VPS16: variants seen among roughly 807,000 people sequenced by gnomAD.
VPS16 encodes vacuolar protein sorting-associated protein 16 homolog.
VPS16 carries 82 observed loss-of-function variants against 116.0 expected under a neutral mutation model. The observed-to-expected ratio is 0.71, with a 90% confidence interval of 0.59 to 0.85. The LOEUF (loss-of-function observed/expected upper bound fraction) is 0.85. VPS16 is among the 40% of genes least tolerant of loss of function. The pLI, the probability that VPS16 is intolerant of heterozygous loss-of-function variation, is 0.00. For synonymous variants in VPS16, 406 were observed against 420.7 expected (o/e 0.96, Z 0.43); for missense variants, 928 against 1,090.6 (o/e 0.85, Z 2.10).
At chr20:2,847,769 A>C (rs1292840547) in intron 1 of VPS16, among the ~76,000 whole-genome samples, 11 of 151,624 alleles carry the variant, frequency 7.3e-5, no homozygotes, top group African/African-American at 2.2e-4. Flanking sequence ...GAGCCACCGC[A>C]CCCAGCCCCG....
intron 1 of VPS16, among the ~76,000 whole-genome samples, chr20:2,844,053 C>G (rs1471120546): frequency 6.6e-6 from 1 of 152,200 alleles, no homozygotes; most frequent in African/African-American, 2.4e-5. Flanking sequence ...CAACTAGTGA[C>G]CAGGTTACAC....
intron 10 of VPS16, 21 bp downstream of exon 10, chr20:2,861,920 C>T: frequency 6.2e-7 from 1 of 1,611,626 alleles, no homozygotes; most frequent in Non-Finnish European, 8.5e-7. Flanking sequence ...CACAAGGGCA[C>T]CACATAACCC....
rs751541480 is a variant in VPS16 at position 2,865,268 on chromosome 20, A to C, written c.2125A>C (p.Asn709His). 1.2e-6 allele frequency: 2 copies of C among 1,614,172 alleles called. No individual in the cohort carries two copies. Among genetic ancestry groups the C allele is most frequent in the Non-Finnish European group, 1.7e-6 (2 of 1,180,000 alleles). ...TVTTLILGGH[N>H]KRAEQLARDF... The stretch of plus-strand genomic sequence containing the variant: ...TACCACCCTCATTCTTGGCGGTCAC[A>C]ACAAGCGTGCAGAGCAGCTGGCACG... The change falls in exon 21 of 24, where the codon AAC (asparagine) becomes CAC (histidine). Residue 709 changes from asparagine (N) to histidine (H), a missense_variant. By Grantham distance (68) the Asn-to-His change is moderately conservative. Transcript: ENST00000380445. This position sits in a 1 kb window ranked among gnomAD's most constrained non-coding sequence, Gnocchi z 5.2.
chr20:2,865,443 G>C lies in VPS16; in HGVS notation c.2219G>C (p.Trp740Ser). Residue 740 changes from tryptophan (W) to serine (S), a missense_variant, in exon 22 of 24, where the codon TGG becomes TCG. Transcript: ENST00000380445. This position sits in a 1 kb window ranked among gnomAD's most constrained non-coding sequence, Gnocchi z 5.2. ...KLTALADLED[W>S]EELEKFSKSK... is the part of the protein sequence containing the mutation. The stretch of plus-strand genomic sequence containing the variant: ...ACTGCCCTGGCAGATTTGGAAGATT[G>C]GGAAGAGCTAGAGAAGTTTTCCAAG... 6.2e-7 allele frequency: 1 copy of C among 1,614,176 alleles called. No individual in the cohort carries two copies. The highest frequency in any genetic ancestry group is 8.5e-7 in the Non-Finnish European group (1 of 1,180,032).
intron 1 of VPS16, among the ~76,000 whole-genome samples, chr20:2,844,335 C>T (rs2089038100): frequency 6.6e-6 from 1 of 152,194 alleles, no homozygotes; most frequent in Admixed American, 6.5e-5. Context: ...ATCTGCCTGA[C>T]AGGATTCTTT....
At chr20:2,847,033 T>C (rs999944027) in intron 1 of VPS16, among the ~76,000 whole-genome samples, 3 of 152,200 alleles carry the variant, frequency 2.0e-5, no homozygotes, top group Non-Finnish European at 2.9e-5. Context: ...TAGGCTTTTC[T>C]GAGAAGCTGC....
chr20:2,864,788 G>C lies in VPS16; in HGVS notation c.1926+134G>C. ...TCCTCACTGTGAGGGAGACTCTGACGTGAGGCCAGGATGGGGGTTAGTGTC... is the reference window on the plus strand; with the variant it reads ...TCCTCACTGTGAGGGAGACTCTGACCTGAGGCCAGGATGGGGGTTAGTGTC... On this transcript the variant is annotated intron_variant, in intron 19 of 23. Transcript: ENST00000380445. The surrounding 1 kb of genome is among the most constrained non-coding windows in gnomAD (Gnocchi z 5.2). 8.6e-7 allele frequency: 1 copy of C among 1,166,546 alleles called. No individual in the cohort carries two copies. The highest frequency in any genetic ancestry group is 1.2e-6 in the Non-Finnish European group (1 of 807,630). The allele number at this position is 1,166,546 out of a possible 1,614,324, so 72.3% of individuals were successfully genotyped here. A position where few individuals can be genotyped will look rare whatever the true frequency, so the allele number is the denominator to read the frequency against.
Position 2,865,267 on chromosome 20 carries a change from C to T in VPS16, c.2124C>T (p.His708=), listed in dbSNP as rs763882765. 1.2e-6 allele frequency: 2 copies of T among 1,614,054 alleles called. No homozygotes were observed. The highest frequency in any genetic ancestry group is 4.5e-5 in the East Asian group (2 of 44,890). The change falls in exon 21 of 24, where the codon CAC becomes CAT. Residue 708 remains histidine, a synonymous_variant. Transcript: ENST00000380445. The surrounding 1 kb of genome is among the most constrained non-coding windows in gnomAD (Gnocchi z 5.2). ...DTVTTLILGG[H]NKRAEQLARD... is the part of the protein sequence containing the mutation. ...TTACCACCCTCATTCTTGGCGGTCACAACAAGCGTGCAGAGCAGCTGGCAC... is the reference window on the plus strand; with the variant it reads ...TTACCACCCTCATTCTTGGCGGTCATAACAAGCGTGCAGAGCAGCTGGCAC...
chr20:2,862,760 A>G (rs879119402), intron 12 of VPS16, 47 bp from the exon 13 acceptor site: 2 of 1,608,016 alleles, frequency 1.2e-6, no homozygotes, highest in African/African-American at 1.3e-5. Flanking sequence ...AGGGGGTGGG[A>G]TGGGCAGCAG....
intron 1 of VPS16, among the ~76,000 whole-genome samples, chr20:2,843,239 C>T (rs991508001): frequency 3.9e-5 from 6 of 152,008 alleles, no homozygotes; most frequent in African/African-American, 1.5e-4. Context: ...CGAGATCAGC[C>T]TGGCCAACAT....
intron 11 of VPS16, 78 bp downstream of exon 11, chr20:2,862,208 T>G: frequency 6.6e-7 from 1 of 1,511,512 alleles, no homozygotes; most frequent in Non-Finnish European, 9.0e-7. Flanking sequence ...CATAGCCAGG[T>G]GCCACCTGTC....
chr20:2,863,062 C>T lies in VPS16; in HGVS notation c.1332-3C>T, dbSNP rs369211416. 2 of 1,613,942 alleles carry T rather than the reference C, an allele frequency of 1.2e-6. No individual in the cohort carries two copies. The highest frequency in any genetic ancestry group is 2.7e-5 in the African/African-American group (2 of 74,874). ...ACTGGATCCTTAACCGAGGAAAATACAGATATAAGCAGCTCACCATCCAGG... is the reference window on the plus strand; with the variant it reads ...ACTGGATCCTTAACCGAGGAAAATATAGATATAAGCAGCTCACCATCCAGG... On this transcript the variant is annotated splice_region_variant and splice_polypyrimidine_tract_variant and intron_variant, in intron 13 of 23. Coordinates refer to ENST00000380445, the MANE Select transcript of VPS16 (RefSeq NM_022575.4). The surrounding 1 kb of genome is among the most constrained non-coding windows in gnomAD (Gnocchi z 4.4).
chr20:2,860,845 T>C lies in VPS16; in HGVS notation c.612T>C (p.His204=), dbSNP rs1330041551. The C allele has an allele frequency of 8.1e-6, 13 of 1,614,002 alleles. No homozygotes were observed. The highest frequency in any genetic ancestry group is 3.3e-5 in the Admixed American group (2 of 60,006). The stretch of plus-strand genomic sequence containing the variant: ...GGCCTGACCTTTACCTCTTGGACCA[T>C]GCAGCCTGCTCCGCAGTGGTAAGGG... ...AVGPDLYLLD[H]AACSAVTPPG... is the part of the protein sequence containing the mutation. Residue 204 remains histidine (H), a synonymous_variant, in exon 6 of 24, where the codon CAT becomes CAC. Coordinates refer to ENST00000380445, the MANE Select transcript of VPS16 (RefSeq NM_022575.4). The surrounding 1 kb of genome is among the most constrained non-coding windows in gnomAD (Gnocchi z 6.1).
chr20:2,864,109 C>T lies in VPS16; in HGVS notation c.1611+26C>T. 1.2e-6 allele frequency: 2 copies of T among 1,613,564 alleles called. No individual in the cohort carries two copies. Among genetic ancestry groups the T allele is most frequent in the Non-Finnish European group, 8.5e-7 (1 of 1,179,504 alleles). Reference sequence around the variant, plus strand: ...GTGTGGGTGCCCAGCCCTCCACAGACACTCTGATGTGGTTGTTCAGGGCCC... The same window carrying T: ...GTGTGGGTGCCCAGCCCTCCACAGATACTCTGATGTGGTTGTTCAGGGCCC... On this transcript the variant is annotated intron_variant, in intron 16 of 23. Transcript: ENST00000380445. The surrounding 1 kb of genome is among the most constrained non-coding windows in gnomAD (Gnocchi z 5.2).
chr20:2,846,112 CTTTTTTTTTTT>C (rs34440512), intron 1 of VPS16, among the ~76,000 whole-genome samples: 1 of 89,688 alleles, frequency 1.1e-5, no homozygotes, highest in Non-Finnish European at 2.0e-5. Context: ...CTGTACTCCG[CTTTTTTTTTTT>C]TTTTTTTTTT....
At chr20:2,841,006 CT>C (rs770265748) in intron 1 of VPS16, 179 bp downstream of exon 1, 8 of 613,356 alleles carry the variant, frequency 1.3e-5, no homozygotes, top group Non-Finnish European at 2.2e-5. Context: ...GGGCCTTCCC[CT>C]GCTCCAGAAA....
Position 2,860,959 on chromosome 20 carries a change from C to T in VPS16, c.631-11C>T, listed in dbSNP as rs1425983919. On this transcript the variant is annotated splice_polypyrimidine_tract_variant and intron_variant, in intron 6 of 23. Coordinates refer to ENST00000380445, the MANE Select transcript of VPS16 (RefSeq NM_022575.4). This position sits in a 1 kb window ranked among gnomAD's most constrained non-coding sequence, Gnocchi z 6.1. The stretch of plus-strand genomic sequence containing the variant: ...TGTATCTGTCCCACCCCTACCCTGG[C>T]TCTGCCTCAGACGCCCCCTGGCCTG... 6.2e-7 allele frequency: 1 copy of T among 1,614,162 alleles called. No individual in the cohort carries two copies. Among genetic ancestry groups the T allele is most frequent in the South Asian group, 1.1e-5 (1 of 91,080 alleles).
rs985494057 is a variant in VPS16 at position 2,862,948 on chromosome 20, C to T, written c.1331+14C>T. The T allele has an allele frequency of 1.7e-5, 27 of 1,613,544 alleles. No homozygotes were observed. Among genetic ancestry groups the T allele is most frequent in the African/African-American group, 2.7e-5 (2 of 74,900 alleles). On this transcript the variant is annotated intron_variant, in intron 13 of 23. Coordinates refer to ENST00000380445, the MANE Select transcript of VPS16 (RefSeq NM_022575.4). ...CACCTATAGCCAGTATCCCTGTGCA[C>T]GCCAGAAGGGTACCCTACAGCCAGG...
intron 7 of VPS16, 66 bp downstream of exon 7, chr20:2,861,158 G>A (rs376038159): frequency 1.7e-4 from 277 of 1,614,016 alleles, no homozygotes; most frequent in African/African-American, 2.7e-4. Context: ...TTGGTGATGC[G>A]GGAGGGCTTT....
Sources: gnomAD v4.1 joint callset for allele counts (sites outside exome capture counted in the v4.1 genomes callset) on GRCh38, gnomAD v4.1.1 for gene constraint, Gnocchi (gnomAD v3.1) non-coding constraint, MANE v1.5 for transcripts, NCBI Gene and HGNC (gene_info 2026-07-23, HGNC 2026-07-21) for gene names.